SRD5A2: variants seen among roughly 807,000 people sequenced by gnomAD.
SRD5A2 encodes steroid 5 alpha-reductase 2, also known as 3-oxo-5-alpha-steroid 4-dehydrogenase 2.
In SRD5A2, 30 loss-of-function variants were observed where a neutral mutation model predicts 27.4. The ratio of observed to expected loss-of-function variants is 1.10; its 90% confidence interval spans 0.82 to 1.49. The LOEUF (loss-of-function observed/expected upper bound fraction) is 1.49. Among genes scored for constraint, SRD5A2 ranks in the 40% most tolerant of loss-of-function variants. The pLI is 0.00. For synonymous variants in SRD5A2, 141 were observed against 133.6 expected, an observed-to-expected ratio of 1.06 and a Z score of -0.38; for missense variants, 348 against 323.4, an observed-to-expected ratio of 1.08 and a Z score of -0.58.
In SRD5A2 at chr2:31,533,741, G is replaced by A. The variant is rs267599353; in HGVS notation, c.307C>T (p.Arg103Ter). Reference protein sequence around the residue: ...HRTFVYSLLNRGRPYPAILIL... With the variant: ...HRTFVYSLLN ...AGTATAGCTGGATAAGGCCTCCCTC[G>A]ATTGAGCAGTGAGTACACAAATGTC... Residue 103 changes from arginine (R) to a stop codon, truncating the protein, a stop_gained, in exon 2 of 5, where the codon CGA becomes TGA. Coordinates refer to ENST00000622030, the MANE Select transcript of SRD5A2 (RefSeq NM_000348.4). LOFTEE classifies it high-confidence loss of function. The A allele has an allele frequency of 4.4e-5, 71 of 1,603,290 alleles. No individual in the cohort carries two copies. The highest frequency in any genetic ancestry group is 8.0e-5 in the African/African-American group (6 of 74,792).
chr2:31,542,852 G>T (rs1042066639), intron 1 of SRD5A2, among the ~76,000 whole-genome samples: 3 of 152,094 alleles, frequency 2.0e-5, no homozygotes, highest in Admixed American at 6.6e-5. Context: ...AGACAACGCA[G>T]AGAGAAAGAA....
the SRD5A2 span, among the ~76,000 whole-genome samples, chr2:31,637,266 C>T: frequency 6.6e-6 from 1 of 151,952 alleles, no homozygotes; most frequent in East Asian, 1.9e-4. Context: ...TTTGTAGTGG[C>T]TCATAATAGT....
chr2:31,579,119 C>T (rs565831112), intron 1 of SRD5A2, among the ~76,000 whole-genome samples: 1 of 152,160 alleles, frequency 6.6e-6, no homozygotes, highest in Non-Finnish European at 1.5e-5. Context: ...AATAAAGAAT[C>T]TTGTTCACAG....
At chr2:31,580,974 G>T (rs1288537539), upstream of SRD5A2, 4 of 1,465,558 alleles carry the variant, frequency 2.7e-6, no homozygotes, top group African/African-American at 1.4e-5. Flanking sequence ...TTTATGGAGC[G>T]CCAGACGCCA....
upstream of SRD5A2, among the ~76,000 whole-genome samples, chr2:31,581,962 C>A (rs1667091495): frequency 6.6e-6 from 1 of 152,192 alleles, no homozygotes; most frequent in Admixed American, 6.5e-5. Flanking sequence ...AGCTTCCAGG[C>A]TTTCTTGGCT....
the SRD5A2 span, among the ~76,000 whole-genome samples, chr2:31,614,785 C>T: frequency 6.6e-6 from 1 of 151,812 alleles, no homozygotes; most frequent in African/African-American, 2.4e-5. Context: ...ACCTGCACAC[C>T]TAGTACCATG....
At chr2:31,589,712 T>C in the SRD5A2 span, among the ~76,000 whole-genome samples, 2 of 151,988 alleles carry the variant, frequency 1.3e-5, no homozygotes, top group Non-Finnish European at 2.9e-5. Flanking sequence ...TGTTATAATT[T>C]TGGCTGAGTA....
Position 31,580,647 on chromosome 2 carries a change from C to T in SRD5A2, c.254G>A (p.Gly85Asp), listed in dbSNP as rs1351269392. 3 of 1,585,812 alleles carry T rather than the reference C, an allele frequency of 1.9e-6. No homozygotes were observed. The Admixed American group carries it at 5.2e-5, about 27-fold the overall frequency. ...GTGGAAGTAATGTAGGCAGAAGAGGCCCAGAAGTACCGTCCCAGGTGGCCC... is the reference window on the plus strand; with the variant it reads ...GTGGAAGTAATGTAGGCAGAAGAGGTCCAGAAGTACCGTCCCAGGTGGCCC... ...LFGPPGTVLLGLFCLHYFHRT... is the reference protein window; with the variant it reads ...LFGPPGTVLLDLFCLHYFHRT... Residue 85 changes from glycine (G) to aspartate (D), a missense_variant, in exon 1 of 5, where the codon GGC becomes GAC. Physicochemically the swap from Gly to Asp is moderately conservative, Grantham distance 94. Transcript: ENST00000622030.
At chr2:31,612,105 C>G in the SRD5A2 span, among the ~76,000 whole-genome samples, 2 of 151,884 alleles carry the variant, frequency 1.3e-5, no homozygotes, top group East Asian at 3.9e-4. Context: ...TGGTGAAACT[C>G]TGACTCTACT....
At chr2:31,602,246 C>G in the SRD5A2 span, among the ~76,000 whole-genome samples, 1 of 152,066 alleles carries the variant, frequency 6.6e-6, no homozygotes, top group African/African-American at 2.4e-5. Context: ...GCAAAAATCA[C>G]TAGCATTCCT....
Position 31,522,612 on chromosome 2 carries a change from C to G in SRD5A2, c.*3584G>C, listed in dbSNP as rs1185827235. On this transcript the variant is annotated 3_prime_UTR_variant, in exon 5 of 5. Coordinates refer to ENST00000622030, the MANE Select transcript of SRD5A2 (RefSeq NM_000348.4). ...AAGATCACAACTCCATGGACTTGTACAAAGAATAAACAAATGTCTTACTTA... is the reference window on the plus strand; with the variant it reads ...AAGATCACAACTCCATGGACTTGTAGAAAGAATAAACAAATGTCTTACTTA... 4.7e-6 allele frequency: 1 copy of G among 212,852 alleles called. No homozygotes were observed. Among genetic ancestry groups the G allele is most frequent in the Non-Finnish European group, 9.5e-6 (1 of 105,340 alleles). 13.2% of individuals were successfully genotyped at this position (212,852 alleles called of 1,614,324 possible). A position where few individuals can be genotyped will look rare whatever the true frequency, so the allele number is the denominator to read the frequency against.
At chr2:31,564,227 C>T (rs144308519) in intron 1 of SRD5A2, among the ~76,000 whole-genome samples, 12 of 151,798 alleles carry the variant, frequency 7.9e-5, no homozygotes, top group African/African-American at 1.4e-4. Flanking sequence ...AAAAAAAGAC[C>T]GAAATCCAAA....
In SRD5A2 at chr2:31,580,844, G is replaced by A; in HGVS notation, c.57C>T (p.Ala19=). The change falls in exon 1 of 5, where the codon GCC becomes GCT. Residue 19 remains alanine, a synonymous_variant. Transcript: ENST00000622030. ...PVLAGSATLV[A]LGALALYVAK... Reference sequence around the variant, plus strand: ...CGACGTACAAGGCCAGTGCCCCAAGGGCGACCAAAGTGGCGCTGCCTGCCA... The same window carrying A: ...CGACGTACAAGGCCAGTGCCCCAAGAGCGACCAAAGTGGCGCTGCCTGCCA... 6.2e-7 allele frequency: 1 copy of A among 1,611,942 alleles called. No homozygotes were observed. Among genetic ancestry groups the A allele is most frequent in the Non-Finnish European group, 8.5e-7 (1 of 1,179,394 alleles).
At chr2:31,596,594 A>C in the SRD5A2 span, among the ~76,000 whole-genome samples, 2 of 152,088 alleles carry the variant, frequency 1.3e-5, no homozygotes, top group Non-Finnish European at 2.9e-5. Context: ...AGAAAACCCT[A>C]AAGACTCATC....
chr2:31,609,251 G>T, the SRD5A2 span, among the ~76,000 whole-genome samples: 1 of 151,916 alleles, frequency 6.6e-6, no homozygotes, highest in African/African-American at 2.4e-5. Flanking sequence ...TTCAATCCCT[G>T]TCAGAATCCC....
intron 1 of SRD5A2, among the ~76,000 whole-genome samples, chr2:31,569,682 A>AAC (rs1553328060): frequency 6.6e-6 from 1 of 151,868 alleles, no homozygotes; most frequent in African/African-American, 2.4e-5. Context: ...AAAAACAAAA[A>AAC]AAAAAAAACA....
intron 1 of SRD5A2, among the ~76,000 whole-genome samples, chr2:31,553,159 CAG>C (rs1489095778): frequency 6.6e-6 from 1 of 152,080 alleles, no homozygotes; most frequent in Non-Finnish European, 1.5e-5. Context: ...GCTTCAAACA[CAG>C]AATTGATCAA....
the SRD5A2 span, among the ~76,000 whole-genome samples, chr2:31,655,878 T>C: frequency 6.6e-6 from 1 of 152,144 alleles, no homozygotes; most frequent in Non-Finnish European, 1.5e-5. Context: ...AGAAAACTAA[T>C]AAGCAATTTT....
the SRD5A2 span, among the ~76,000 whole-genome samples, chr2:31,603,414 G>T: frequency 6.6e-6 from 1 of 151,760 alleles, no homozygotes; most frequent in Non-Finnish European, 1.5e-5. Flanking sequence ...AGAGGCTCAG[G>T]AGGAAAAGAA....
Sources: gnomAD v4.1 joint callset for allele counts (sites outside exome capture counted in the v4.1 genomes callset) on GRCh38, gnomAD v4.1.1 for gene constraint, MANE v1.5 for transcripts, NCBI Gene and HGNC (gene_info 2026-07-23, HGNC 2026-07-21) for gene names.